GIPR: variants seen among roughly 807,000 people sequenced by gnomAD.
GIPR encodes GIP-R.
A neutral mutation model predicts 62.2 loss-of-function variants in GIPR; 74 were observed. That is an observed-to-expected ratio of 1.19 (90% CI 0.99 to 1.44). The LOEUF is 1.44. Ranked by LOEUF, GIPR falls within the 40% of genes most tolerant of loss-of-function variation. The probability of loss-of-function intolerance (pLI) is 0.00; values close to 1 mark genes in which losing one functional copy is unlikely to be tolerated. For missense variants in GIPR, 664 were observed against 611.8 expected (o/e 1.09, Z -0.90); for synonymous variants, 256 against 262.2 (o/e 0.98, Z 0.23).
At position 45,676,936 on chromosome 19, in the gene GIPR, G is replaced by C; in HGVS notation, c.634-13G>C. On this transcript the variant is annotated splice_polypyrimidine_tract_variant and intron_variant, in intron 7 of 13. Transcript: ENST00000590918. Reference sequence around the variant, plus strand: ...GCGCTGACTACCCCTCTACCGGTCTGGCCCCTCCCTAGGCCCTCGCTGCCT... The same window carrying C: ...GCGCTGACTACCCCTCTACCGGTCTCGCCCCTCCCTAGGCCCTCGCTGCCT... 6.2e-7 allele frequency: 1 copy of C among 1,613,272 alleles called. No individual in the cohort carries two copies. The highest frequency in any genetic ancestry group is 1.1e-5 in the South Asian group (1 of 91,082).
chr19:45,670,075 G>A (rs1396301685), intron 2 of GIPR, among the ~76,000 whole-genome samples: 1 of 151,734 alleles, frequency 6.6e-6, no homozygotes, highest in Admixed American at 6.6e-5. Context: ...CTGTCACCCA[G>A]GCTGAGATGC....
intron 12 of GIPR, among the ~76,000 whole-genome samples, chr19:45,679,483 G>GAA (rs572702775): frequency 0.14 from 14,118 of 103,082 alleles, 1,108 homozygotes; most frequent in Non-Finnish European, 0.18. Flanking sequence ...CATGTCTCAA[G>GAA]AAAAAAAAAA....
intron 12 of GIPR, among the ~76,000 whole-genome samples, chr19:45,678,663 C>T (rs1026278762): frequency 1.3e-5 from 2 of 152,082 alleles, no homozygotes; most frequent in East Asian, 3.9e-4. Context: ...GCGCCCAGCC[C>T]GTTCATTCAT....
At position 45,676,940 on chromosome 19, in the gene GIPR, C is replaced by T. The variant is rs961480109; in HGVS notation, c.634-9C>T. 7 of 1,613,430 alleles carry T rather than the reference C, an allele frequency of 4.3e-6. No homozygotes were observed. The highest frequency in any genetic ancestry group is 5.9e-6 in the Non-Finnish European group (7 of 1,179,928). Reference sequence around the variant, plus strand: ...TGACTACCCCTCTACCGGTCTGGCCCCTCCCTAGGCCCTCGCTGCCTGCCG... The same window carrying T: ...TGACTACCCCTCTACCGGTCTGGCCTCTCCCTAGGCCCTCGCTGCCTGCCG... On this transcript the variant is annotated splice_polypyrimidine_tract_variant and intron_variant, in intron 7 of 13. Transcript: ENST00000590918.
chr19:45,680,839 CAAA>C (rs10561788), intron 12 of GIPR, among the ~76,000 whole-genome samples: 1,599 of 111,396 alleles, frequency 0.014, 26 homozygotes, highest in African/African-American at 0.046. Context: ...TCCCTGTCTC[CAAA>C]AAAAAAAAAA....
intron 7 of GIPR, among the ~76,000 whole-genome samples, chr19:45,675,188 G>A (rs1302195702): frequency 6.6e-6 from 1 of 152,132 alleles, no homozygotes; most frequent in African/African-American, 2.4e-5. Flanking sequence ...GCAGGTGCCA[G>A]TTTGTTACTA....
intron 12 of GIPR, among the ~76,000 whole-genome samples, chr19:45,679,255 G>A (rs58751599): frequency 7.7e-4 from 117 of 152,088 alleles, no homozygotes; most frequent in African/African-American, 2.7e-3. Context: ...CGAGGCAGGC[G>A]GATCACCTGA....
At chr19:45,679,011 A>G (rs1967098782) in intron 12 of GIPR, among the ~76,000 whole-genome samples, 1 of 152,128 alleles carries the variant, frequency 6.6e-6, no homozygotes, top group Non-Finnish European at 1.5e-5. Context: ...TCTCATCTCT[A>G]AAGTGGGGAA....
chr19:45,676,825 G>A, intron 7 of GIPR, 124 bp from the exon 8 acceptor site: 1 of 839,452 alleles, frequency 1.2e-6, no homozygotes, highest in East Asian at 2.5e-5. Context: ...CCATTCACTG[G>A]GGACACAGAG....
chr19:45,673,419 C>CAAAAAAAAAAA (rs71175203), intron 5 of GIPR, among the ~76,000 whole-genome samples: 1 of 82,740 alleles, frequency 1.2e-5, no homozygotes, highest in African/African-American at 4.5e-5. Flanking sequence ...GACTCCATCT[C>CAAAAAAAAAAA]AAAAAAAAAA....
chr19:45,670,643 T>C lies in GIPR; in HGVS notation c.81T>C (p.Ser27=). ...CTTCTTTCTTTTCCTAGACAGGCTC[T>C]AAGGGGCAGACGGCGGGGGAGCTGT... ...GLLLQRAETG[S]KGQTAGELYQ... The change falls in exon 3 of 14, where the codon TCT becomes TCC. Residue 27 remains serine (S), a synonymous_variant. Transcript: ENST00000590918. The C allele has an allele frequency of 6.2e-7, 1 of 1,612,152 alleles. No individual in the cohort carries two copies. Among genetic ancestry groups the C allele is most frequent in the South Asian group, 1.1e-5 (1 of 90,888 alleles).
intron 12 of GIPR, 22 bp downstream of exon 12, chr19:45,678,248 G>A: frequency 1.3e-6 from 2 of 1,548,134 alleles, no homozygotes; most frequent in Middle Eastern, 2.3e-4. Flanking sequence ...GGGTGCAGGG[G>A]CTCCATCCTT....
chr19:45,678,078 C>G lies in GIPR; in HGVS notation c.1014-10C>G, dbSNP rs113761878. 3.7e-6 allele frequency: 6 copies of G among 1,612,266 alleles called. No homozygotes were observed. In the African/African-American group the frequency reaches 4.0e-5, roughly 11 times the overall value. On this transcript the variant is annotated splice_polypyrimidine_tract_variant and intron_variant, in intron 11 of 13. Transcript: ENST00000590918. ...GCTGCGGGATCACTGCTGCCGCCCT[C>G]TCTCCCCAGGCTGGCTCGCTCCACG... is the stretch of plus-strand genomic sequence containing the variant.
chr19:45,683,356 G>C lies in GIPR; in HGVS notation c.*1421G>C, dbSNP rs1967337122. 6.6e-6 allele frequency: 1 copy of C among 152,060 alleles called. No individual in the cohort carries two copies. The highest frequency in any genetic ancestry group is 1.5e-5 in the Non-Finnish European group (1 of 68,062). The allele number at this position is 152,060 out of a possible 1,614,324, so 9.4% of individuals were successfully genotyped here. On this transcript the variant is annotated 3_prime_UTR_variant, in exon 14 of 14. Coordinates refer to ENST00000590918, the MANE Select transcript of GIPR (RefSeq NM_000164.4). ...AAACTTTATATCCAGAGCAGCCAGG[G>C]CCACTGCTGGCTGCGGAGTGAGGAC...
intron 4 of GIPR, 163 bp from the exon 5 acceptor site, chr19:45,672,688 T>C (rs1975603022): frequency 3.1e-6 from 2 of 651,322 alleles, no homozygotes; most frequent in Admixed American, 2.2e-5. Flanking sequence ...GAATATTAAA[T>C]TAATACAAAT....
rs200958147 is a variant in GIPR at position 45,681,778 on chromosome 19, G to T, written c.1244G>T (p.Ser415Ile). The T allele has an allele frequency of 4.4e-4, 696 of 1,599,190 alleles. No homozygotes were observed. Among genetic ancestry groups the T allele is most frequent in the Non-Finnish European group, 5.7e-4 (666 of 1,172,834 alleles). Residue 415 changes from serine to isoleucine, a missense_variant, in exon 14 of 14, where the codon AGC becomes ATC. By Grantham distance (142) the Ser-to-Ile change is moderately radical. Coordinates refer to ENST00000590918, the MANE Select transcript of GIPR (RefSeq NM_000164.4). ...RGWHHCRLRR[S>I]LGEEQRQLPE... ...TGGCACCACTGCCGCCTGCGCCGCA[G>T]CCTGGGCGAGGAGCAACGCCAGCTC...
chr19:45,678,369 CTT>C (rs111894186), intron 12 of GIPR, 143 bp downstream of exon 12: 313 of 805,000 alleles, frequency 3.9e-4, no homozygotes, highest in Non-Finnish European at 4.5e-4. Context: ...TTAATTCATT[CTT>C]TTTTTTTTTT....
rs778028385 is a variant in GIPR, at chr19:45,677,087, TACTACCTG to T, written c.773_780del (p.Tyr258SerfsTer50). The T allele has an allele frequency of 3.2e-5, 51 of 1,613,768 alleles. No homozygotes were observed. Among genetic ancestry groups the T allele is most frequent in the Non-Finnish European group, 4.3e-5 (51 of 1,179,992 alleles). ...AGGCTCCGAGGAGGGCCACTTCCGC[TACTACCTG>T]CTCCTCGGCTGGGGTGAGCTCCGAT... On this transcript the variant is annotated frameshift_variant, in exon 8 of 14. Transcript: ENST00000590918. LOFTEE classifies it high-confidence loss of function.
chr19:45,669,939 A>G (rs1398551044), intron 2 of GIPR, among the ~76,000 whole-genome samples: 17 of 138,952 alleles, frequency 1.2e-4, no homozygotes, highest in African/African-American at 3.2e-4. Context: ...ACAGAGTGAG[A>G]CTCTGTCTCG....
Sources: gnomAD v4.1 joint callset for allele counts (sites outside exome capture counted in the v4.1 genomes callset) on GRCh38, gnomAD v4.1.1 for gene constraint, MANE v1.5 for transcripts, NCBI Gene and HGNC (gene_info 2026-07-23, HGNC 2026-07-21) for gene names.